The following ADGRB3 variants were observed in gnomAD, a reference collection of about 807,000 sequenced individuals.
ADGRB3 encodes brain-specific angiogenesis inhibitor 3.
Under a neutral mutation model 193.4 loss-of-function variants are expected in ADGRB3, and 37 were observed. The observed-to-expected ratio is 0.19, with a 90% CI of 0.15 to 0.25. The LOEUF (loss-of-function observed/expected upper bound fraction) is 0.25, where lower values mean the gene tolerates loss of function less well. ADGRB3 is among the 10% of genes least tolerant of loss of function. The pLI is 1.00. For synonymous variants in ADGRB3, 690 were observed against 644.2 expected, an observed-to-expected ratio of 1.07 and a Z score of -1.08; for missense variants, 1,637 against 1,852.9, an observed-to-expected ratio of 0.88 and a Z score of 2.14.
chr6:69,023,704 T>A (rs1235940973), intron 13 of ADGRB3, among the ~76,000 whole-genome samples: 1 of 152,066 alleles, frequency 6.6e-6, no homozygotes, highest in Non-Finnish European at 1.5e-5. Context: ...GAAAATAGAA[T>A]TGATTGAAGT....
At chr6:69,382,505 T>C (rs1769970516) in intron 30 of ADGRB3, among the ~76,000 whole-genome samples, 1 of 151,972 alleles carries the variant, frequency 6.6e-6, no homozygotes, top group South Asian at 2.1e-4. Flanking sequence ...TTTAAAAATA[T>C]GATAACAGTT....
chr6:69,229,629 T>C (rs1381318527), intron 17 of ADGRB3, among the ~76,000 whole-genome samples: 1 of 152,204 alleles, frequency 6.6e-6, no homozygotes, highest in Non-Finnish European at 1.5e-5. Flanking sequence ...TATTGGTATT[T>C]GGAAAGATCA....
intron 15 of ADGRB3, among the ~76,000 whole-genome samples, chr6:69,057,459 G>C (rs186568304): frequency 2.8e-4 from 42 of 152,050 alleles, no homozygotes; most frequent in Non-Finnish European, 5.2e-4. Flanking sequence ...AAACTGGCAA[G>C]AGAGGGCATT....
At chr6:69,267,570 T>G (rs1767076385) in intron 20 of ADGRB3, among the ~76,000 whole-genome samples, 1 of 152,156 alleles carries the variant, frequency 6.6e-6, no homozygotes, top group South Asian at 2.1e-4. Context: ...CAATCCCAGT[T>G]TGTCTAACAG....
At chr6:69,289,194 A>G (rs13219610) in intron 20 of ADGRB3, among the ~76,000 whole-genome samples, 1 of 152,218 alleles carries the variant, frequency 6.6e-6, no homozygotes, top group African/African-American at 2.4e-5. Flanking sequence ...GCAGCACATC[A>G]CAGAATAAAG....
At chr6:69,363,416 A>G (rs1263941936) in intron 29 of ADGRB3, among the ~76,000 whole-genome samples, 1 of 152,072 alleles carries the variant, frequency 6.6e-6, no homozygotes, top group Admixed American at 6.6e-5. Context: ...TAGCATTTAT[A>G]TAGCATCTTT....
At chr6:68,770,974 A>T (rs944763366) in intron 3 of ADGRB3, among the ~76,000 whole-genome samples, 1 of 152,078 alleles carries the variant, frequency 6.6e-6, no homozygotes, top group African/African-American at 2.4e-5. Flanking sequence ...ATTATTATCA[A>T]TTTGGAAAAG....
intron 17 of ADGRB3, among the ~76,000 whole-genome samples, chr6:69,134,046 A>C (rs556599835): frequency 6.6e-5 from 10 of 152,266 alleles, no homozygotes; most frequent in African/African-American, 2.4e-4. Context: ...GTAGTATTCC[A>C]TGGTATACAT....
chr6:69,268,848 G>T (rs1206009474), intron 20 of ADGRB3, among the ~76,000 whole-genome samples: 2 of 152,100 alleles, frequency 1.3e-5, no homozygotes, highest in Non-Finnish European at 2.9e-5. Flanking sequence ...TTAATGGCTG[G>T]AGTGCTTTCT....
At chr6:69,388,668 A>G in intron 31 of ADGRB3, 35 bp from the exon 32 acceptor site, 3 of 1,580,838 alleles carry the variant, frequency 1.9e-6, no homozygotes, top group Non-Finnish European at 2.6e-6. Flanking sequence ...CCTGGTCATC[A>G]CATAAATGAC....
intron 3 of ADGRB3, among the ~76,000 whole-genome samples, chr6:68,700,714 C>T (rs1184647585): frequency 4.6e-5 from 7 of 151,074 alleles, no homozygotes; most frequent in Admixed American, 2.0e-4. Context: ...AGCAAACTAT[C>T]GCAAGGACAA....
chr6:69,361,081 T>C lies in ADGRB3; in HGVS notation c.3808T>C (p.Leu1270=). 1 of 1,612,750 alleles carries C rather than the reference T, an allele frequency of 6.2e-7. No homozygotes were observed. The highest frequency in any genetic ancestry group is 8.5e-7 in the Non-Finnish European group (1 of 1,179,194). The change falls in exon 29 of 32, where the codon TTG becomes CTG. Residue 1270 remains leucine (L), a synonymous_variant. Transcript: ENST00000370598. ...MSMNELSNPC[L]KKENSELRRT... Reference sequence around the variant, plus strand: ...TATGAATGAGCTTAGCAATCCATGTTTGAAAAAAGAAAATAGTGAATTGCG... The same window carrying C: ...TATGAATGAGCTTAGCAATCCATGTCTGAAAAAAGAAAATAGTGAATTGCG...
intron 3 of ADGRB3, among the ~76,000 whole-genome samples, chr6:68,858,514 A>AAC (rs1308866947): frequency 0.12 from 16,793 of 141,768 alleles, 1,539 homozygotes; most frequent in Non-Finnish European, 0.19. Context: ...AAAAAAAAAA[A>AAC]CACCTGAGGT....
chr6:69,377,963 T>G (rs1016243394), intron 30 of ADGRB3, among the ~76,000 whole-genome samples: 1 of 152,038 alleles, frequency 6.6e-6, no homozygotes, highest in African/African-American at 2.4e-5. Context: ...GAAGACCTCT[T>G]TTATAGAAGA....
intron 17 of ADGRB3, among the ~76,000 whole-genome samples, chr6:69,187,239 T>C (rs1765089945): frequency 6.6e-6 from 1 of 152,180 alleles, no homozygotes; most frequent in South Asian, 2.1e-4. Context: ...TTTTAACGAA[T>C]TAATTTGAAT....
chr6:68,956,328 TATAC>T, intron 7 of ADGRB3, 140 bp downstream of exon 7: 3 of 934,066 alleles, frequency 3.2e-6, no homozygotes, highest in Non-Finnish European at 4.6e-6. Context: ...TGTGTGTGTG[TATAC>T]ATGTATTTAT....
intron 17 of ADGRB3, among the ~76,000 whole-genome samples, chr6:69,102,513 A>G (rs568184079): frequency 6.6e-5 from 10 of 152,338 alleles, no homozygotes. Flanking sequence ...GTTTAAATAC[A>G]TGGCATTAGG....
At chr6:68,820,740 T>G (rs1453613148) in intron 3 of ADGRB3, among the ~76,000 whole-genome samples, 1 of 152,032 alleles carries the variant, frequency 6.6e-6, no homozygotes, top group Non-Finnish European at 1.5e-5. Flanking sequence ...AGTAAGAGTA[T>G]GCATGCATGT....
chr6:69,265,689 T>C (rs778015300), intron 20 of ADGRB3, among the ~76,000 whole-genome samples: 1 of 152,166 alleles, frequency 6.6e-6, no homozygotes, highest in Middle Eastern at 3.4e-3. Context: ...CCTGAGGTCA[T>C]TGGCTAATTT....
Sources: gnomAD v4.1 joint callset for allele counts (sites outside exome capture counted in the v4.1 genomes callset) on GRCh38, gnomAD v4.1.1 for gene constraint, MANE v1.5 for transcripts, NCBI Gene and HGNC (gene_info 2026-07-23, HGNC 2026-07-21) for gene names.